The following MAF variants were observed in gnomAD, a reference collection of about 807,000 sequenced individuals.
MAF encodes transcription factor Maf.
MAF carries 10 observed loss-of-function variants against 22.0 expected under a neutral mutation model. That is an observed-to-expected ratio of 0.45 (90% confidence interval 0.28 to 0.77). The LOEUF (loss-of-function observed/expected upper bound fraction) is 0.77, where lower values mean the gene tolerates loss of function less well. Among genes scored for constraint, MAF ranks in the 30% least tolerant of loss-of-function variants. The pLI is 0.12. For missense variants in MAF, 544 were observed against 548.4 expected (o/e 0.99, Z 0.08); for synonymous variants, 337 against 255.8 (o/e 1.32, Z -3.03).
At chr16:79,531,878 G>T in the MAF span, among the ~76,000 whole-genome samples, 1 of 152,048 alleles carries the variant, frequency 6.6e-6, no homozygotes, top group Non-Finnish European at 1.5e-5. Flanking sequence ...AGGCATCAGT[G>T]AGATCTAGAA....
chr16:79,379,584 T>C, the MAF span, among the ~76,000 whole-genome samples: 1 of 152,194 alleles, frequency 6.6e-6, no homozygotes, highest in Admixed American at 6.5e-5. Flanking sequence ...CAGGTAATTC[T>C]ATATGAAACT....
At chr16:79,289,966 C>A in the MAF span, among the ~76,000 whole-genome samples, 1 of 148,898 alleles carries the variant, frequency 6.7e-6, no homozygotes, top group African/African-American at 2.5e-5. Context: ...AAGCGATTCT[C>A]CTGCCTCAGC....
At chr16:79,225,495 G>C in the MAF span, among the ~76,000 whole-genome samples, 1 of 152,112 alleles carries the variant, frequency 6.6e-6, no homozygotes, top group East Asian at 1.9e-4. Flanking sequence ...AACAGCCAAA[G>C]CAATGGCAAC....
At chr16:79,594,830 A>T (rs1035768182) in intron 1 of MAF, 3 of 1,244,418 alleles carry the variant, frequency 2.4e-6, no homozygotes, top group Non-Finnish European at 2.0e-6. Context: ...AGCCACTCAA[A>T]CCTCATTTTT....
At chr16:79,579,575 G>A in the MAF span, among the ~76,000 whole-genome samples, 4 of 152,060 alleles carry the variant, frequency 2.6e-5, no homozygotes, top group Non-Finnish European at 5.9e-5. Flanking sequence ...AAAGGAAAAA[G>A]GGAAAGAAAA....
the MAF span, among the ~76,000 whole-genome samples, chr16:79,377,124 G>C: frequency 6.6e-6 from 1 of 152,162 alleles, no homozygotes. Flanking sequence ...GGTTGAACTA[G>C]TTTACAGTCC....
chr16:79,392,995 C>T, the MAF span, among the ~76,000 whole-genome samples: 1 of 152,166 alleles, frequency 6.6e-6, no homozygotes, highest in Non-Finnish European at 1.5e-5. Context: ...CTTAAAAGAA[C>T]AATTAAAAGA....
chr16:79,370,725 T>C, the MAF span, among the ~76,000 whole-genome samples: 1 of 152,330 alleles, frequency 6.6e-6, no homozygotes, highest in East Asian at 1.9e-4. Context: ...TCCACTGCTT[T>C]TCTCCGTCTC....
At chr16:79,542,394 T>C in the MAF span, among the ~76,000 whole-genome samples, 3 of 152,052 alleles carry the variant, frequency 2.0e-5, no homozygotes, top group Non-Finnish European at 4.4e-5. Flanking sequence ...GCCTGTTGGA[T>C]TAGATAGAGT....
At chr16:79,350,213 C>T in the MAF span, among the ~76,000 whole-genome samples, 4 of 152,200 alleles carry the variant, frequency 2.6e-5, no homozygotes, top group Non-Finnish European at 4.4e-5. Flanking sequence ...TGGACCTAAA[C>T]CAGCTATGCT....
the MAF span, among the ~76,000 whole-genome samples, chr16:79,403,389 G>C: frequency 6.6e-6 from 1 of 152,200 alleles, no homozygotes; most frequent in African/African-American, 2.4e-5. Flanking sequence ...AAGAAAGGCA[G>C]CCCAGAGTGC....
the MAF span, among the ~76,000 whole-genome samples, chr16:79,506,278 T>C: frequency 1.3e-5 from 2 of 152,208 alleles, no homozygotes. Flanking sequence ...TGTAGCCTCA[T>C]TTTAATGCTA....
the MAF span, among the ~76,000 whole-genome samples, chr16:79,352,215 T>A: frequency 1.3e-5 from 2 of 152,186 alleles, no homozygotes; most frequent in Non-Finnish European, 2.9e-5. Context: ...CAGGAGGGTT[T>A]AGGGCCAAGC....
chr16:79,436,193 A>T, the MAF span, among the ~76,000 whole-genome samples: 11 of 151,998 alleles, frequency 7.2e-5, no homozygotes, highest in Non-Finnish European at 1.3e-4. Context: ...AACAATTCTC[A>T]TGCCTCAACC....
chr16:79,517,568 C>CT, the MAF span, among the ~76,000 whole-genome samples: 758 of 99,724 alleles, frequency 7.6e-3, 3 homozygotes, highest in African/African-American at 0.018. Context: ...ACTGTTTAGT[C>CT]TTTTTTTTTT....
the MAF span, among the ~76,000 whole-genome samples, chr16:79,404,426 T>C: frequency 1.3e-5 from 2 of 152,216 alleles, no homozygotes; most frequent in Admixed American, 6.5e-5. Flanking sequence ...CCTCCCAAAG[T>C]GCTGGAATTA....
At chr16:79,598,185 C>G in intron 1 of MAF, 2 of 1,043,942 alleles carry the variant, frequency 1.9e-6, no homozygotes, top group Non-Finnish European at 2.3e-6. Context: ...TCTTTCATCT[C>G]GGAAGAGATG....
the MAF span, among the ~76,000 whole-genome samples, chr16:79,268,211 AC>A: frequency 5.4e-3 from 816 of 151,824 alleles, 7 homozygotes; most frequent in African/African-American, 0.019. Context: ...GGAATCAGCT[AC>A]CCCCTCTCCC....
the MAF span, among the ~76,000 whole-genome samples, chr16:79,474,828 G>T: frequency 2.6e-5 from 4 of 152,204 alleles, no homozygotes; most frequent in African/African-American, 9.6e-5. Context: ...CCCCCATTCT[G>T]AGCCATGTCT....
Sources: gnomAD v4.1 joint callset for allele counts (sites outside exome capture counted in the v4.1 genomes callset) on GRCh38, gnomAD v4.1.1 for gene constraint, MANE v1.5 for transcripts, NCBI Gene and HGNC (gene_info 2026-07-23, HGNC 2026-07-21) for gene names.